Variants in RETREG2 observed in about 807,000 individuals in gnomAD.
The protein encoded by RETREG2 is reticulophagy regulator 2.
Under a neutral mutation model 51.6 loss-of-function variants are expected in RETREG2, and 21 were observed. The ratio of observed to expected loss-of-function variants is 0.41; its 90% CI spans 0.29 to 0.59. The LOEUF (loss-of-function observed/expected upper bound fraction) is 0.59, where lower values mean the gene tolerates loss of function less well. Ranked by LOEUF, RETREG2 falls within the 20% of genes least tolerant of loss-of-function variation. RETREG2 has a pLI of 0.34. For missense variants in RETREG2, 674 were observed against 646.0 expected (o/e 1.04, Z -0.47); for synonymous variants, 339 against 288.6 (o/e 1.17, Z -1.77).
chr2:219,185,248 G>A lies in RETREG2; in HGVS notation c.*2619G>A, dbSNP rs918050337. The A allele has an allele frequency of 6.6e-6, 1 of 151,978 alleles. No homozygotes were observed. Among genetic ancestry groups the A allele is most frequent in the African/African-American group, 2.4e-5 (1 of 41,352 alleles). The allele number at this position is 151,978 out of a possible 1,614,324, so 9.4% of individuals were successfully genotyped here. A position where few individuals can be genotyped will look rare whatever the true frequency, so the allele number is the denominator to read the frequency against. ...CATGCCCCACGATGAAAGGGCCAGA[G>A]GTTTTCATATGAGTAAAAGAAAAAA... On this transcript the variant is annotated 3_prime_UTR_variant, in exon 9 of 9. Transcript: ENST00000430297.
At chr2:219,179,935 TG>T in intron 3 of RETREG2, 172 bp downstream of exon 3, 2 of 1,133,194 alleles carry the variant, frequency 1.8e-6, no homozygotes, top group Non-Finnish European at 1.3e-6. Context: ...CTGCTCCTTT[TG>T]GGGCAGAGGG....
chr2:219,178,836 C>T (rs1351877976), intron 1 of RETREG2, 86 bp from the exon 2 acceptor site: 2 of 1,122,348 alleles, frequency 1.8e-6, no homozygotes, highest in Non-Finnish European at 2.6e-6. Flanking sequence ...GCCATTACCC[C>T]ATCAGTAGGC....
rs138593889 is a variant in RETREG2, at chr2:219,179,482, T to C, written c.389-251T>C. ...AGTGTTGTTTTTCTTGTTATCCATATAATTTACTTAGTAGGTGACAGGCTG... is the reference window on the plus strand; with the variant it reads ...AGTGTTGTTTTTCTTGTTATCCATACAATTTACTTAGTAGGTGACAGGCTG... On this transcript the variant is annotated intron_variant, in intron 2 of 8. Coordinates refer to ENST00000430297, the MANE Select transcript of RETREG2 (RefSeq NM_024293.6). Among the ~76,000 whole-genome samples, 1,074 of 152,330 alleles carry C rather than the reference T, an allele frequency of 7.1e-3. 4 individuals are homozygous for C. The highest frequency in any genetic ancestry group is 8.4e-3 in the Non-Finnish European group (574 of 68,020).
intron 8 of RETREG2, 60 bp downstream of exon 8, chr2:219,181,835 G>A (rs958625721): frequency 2.9e-5 from 47 of 1,595,706 alleles, no homozygotes; most frequent in Non-Finnish European, 3.9e-5. Context: ...CCTACCATGG[G>A]TACTTACTGT....
rs748188900 is a variant in RETREG2, at chr2:219,181,087, G to C, written c.666G>C (p.Leu222=). The C allele has an allele frequency of 1.2e-6, 2 of 1,614,118 alleles. No individual in the cohort carries two copies. Among genetic ancestry groups the C allele is most frequent in the Non-Finnish European group, 1.7e-6 (2 of 1,180,020 alleles). Residue 222 remains leucine (L), a synonymous_variant, in exon 6 of 9, where the codon CTG becomes CTC. Coordinates refer to ENST00000430297, the MANE Select transcript of RETREG2 (RefSeq NM_024293.6). ...IVLLSILLWP[L]VVYHELIQRM... ...TGTTGAGTATCCTGCTGTGGCCCCT[G>C]GTGGTTTATCATGAGCTGATCCAGA...
At chr2:219,180,347 G>A (rs1950260860) in intron 4 of RETREG2, 102 bp downstream of exon 4, 5 of 1,485,414 alleles carry the variant, frequency 3.4e-6, no homozygotes, top group Admixed American at 1.8e-5. Context: ...TGGAGACCCT[G>A]AAAGAAGAGG....
Position 219,182,533 on chromosome 2 carries a change from G to C in RETREG2, c.1536G>C (p.Glu512Asp). 6.2e-7 allele frequency: 1 copy of C among 1,614,160 alleles called. No homozygotes were observed. The highest frequency in any genetic ancestry group is 8.5e-7 in the Non-Finnish European group (1 of 1,180,010). Reference protein sequence around the residue: ...QLNAELGLEPETPPKPPDAPP... With the variant: ...QLNAELGLEPDTPPKPPDAPP... ...ATGCAGAGCTGGGCTTGGAGCCAGA[G>C]ACACCGCCAAAACCCCCTGATGCTC... Residue 512 changes from glutamate (E) to aspartate (D), a missense_variant, in exon 9 of 9, where the codon GAG becomes GAC. Coordinates refer to ENST00000430297, the MANE Select transcript of RETREG2 (RefSeq NM_024293.6).
chr2:219,178,485 A>G lies in RETREG2; in HGVS notation c.133A>G (p.Thr45Ala), dbSNP rs2106394317. ...CAGTGAGGCAGAGGAGGAGGCGGCC[A>G]CGGCCGAGGCGGTGGGACGCCTGGC... ...ATSEAEEEAATAEAVGRLATT... is the reference protein window; with the variant it reads ...ATSEAEEEAAAAEAVGRLATT... Residue 45 changes from threonine (T) to alanine (A), a missense_variant, in exon 1 of 9, where the codon ACG (threonine) becomes GCG (alanine). Coordinates refer to ENST00000430297, the MANE Select transcript of RETREG2 (RefSeq NM_024293.6). 7 of 1,233,778 alleles carry G rather than the reference A, an allele frequency of 5.7e-6. No homozygotes were observed. The highest frequency in any genetic ancestry group is 3.2e-5 in the African/African-American group (2 of 62,536). The allele number at this position is 1,233,778 out of a possible 1,614,324, so 76.4% of individuals were successfully genotyped here. A position where few individuals can be genotyped will look rare whatever the true frequency, so the allele number is the denominator to read the frequency against.
At position 219,179,764 on chromosome 2, in the gene RETREG2, G is replaced by A; in HGVS notation, c.419+1G>A. 1 of 1,613,984 alleles carries A rather than the reference G, an allele frequency of 6.2e-7. No individual in the cohort carries two copies. The highest frequency in any genetic ancestry group is 8.5e-7 in the Non-Finnish European group (1 of 1,179,886). On this transcript the variant is annotated splice_donor_variant, in intron 3 of 8. Coordinates refer to ENST00000430297, the MANE Select transcript of RETREG2 (RefSeq NM_024293.6). LOFTEE classifies it high-confidence loss of function. ...CCCCAGAGGAGCCACACTCTGACAG[G>A]TGAGTACAGGCCACCTCTTGAAGAC...
In RETREG2 at chr2:219,182,884, T is replaced by C; in HGVS notation, c.*255T>C. 1.9e-6 allele frequency: 1 copy of C among 524,942 alleles called. No homozygotes were observed. Among genetic ancestry groups the C allele is most frequent in the Non-Finnish European group, 3.4e-6 (1 of 291,144 alleles). The allele number at this position is 524,942 out of a possible 1,614,324, so 32.5% of individuals were successfully genotyped here. On this transcript the variant is annotated 3_prime_UTR_variant, in exon 9 of 9. Coordinates refer to ENST00000430297, the MANE Select transcript of RETREG2 (RefSeq NM_024293.6). The stretch of plus-strand genomic sequence containing the variant: ...GTGGATGTGAACAGGGCTAGGGAAG[T>C]CCTTCCCACAGCCTGCGCTTGCCTC...
Position 219,181,752 on chromosome 2 carries a change from C to G in RETREG2, c.992C>G (p.Pro331Arg). Residue 331 changes from proline (P) to arginine (R), a missense_variant, in exon 8 of 9, where the codon CCG becomes CGG. Transcript: ENST00000430297. ...TTCTCCGTATCCCGGGCCACAACTCCGCAGCTGACTGATGTCTCCGAGGGT... is the reference window on the plus strand; with the variant it reads ...TTCTCCGTATCCCGGGCCACAACTCGGCAGCTGACTGATGTCTCCGAGGGT... ...GGFSVSRATTPQLTDVSEDLD... is the reference protein window; with the variant it reads ...GGFSVSRATTRQLTDVSEDLD... The G allele has an allele frequency of 6.2e-7, 1 of 1,613,896 alleles. No individual in the cohort carries two copies. Among genetic ancestry groups the G allele is most frequent in the Non-Finnish European group, 8.5e-7 (1 of 1,179,978 alleles).
At position 219,178,300 on chromosome 2, in the gene RETREG2, C is replaced by T. The variant is rs1950216195; in HGVS notation, c.-53C>T. The T allele has an allele frequency of 1.3e-5, 5 of 374,314 alleles. No individual in the cohort carries two copies. The highest frequency in any genetic ancestry group is 2.4e-5 in the Non-Finnish European group (5 of 210,314). The allele number at this position is 374,314 out of a possible 1,614,324, so 23.2% of individuals were successfully genotyped here. The stretch of plus-strand genomic sequence containing the variant: ...CTTCCGCCTGACGCGCCCCCGGCGG[C>T]GGCCGCGCAGCCCTGGCTCCTCGCG... On this transcript the variant is annotated 5_prime_UTR_variant, in exon 1 of 9. Transcript: ENST00000430297.
intron 3 of RETREG2, 58 bp from the exon 4 acceptor site, chr2:219,180,052 T>A (rs1172136641): frequency 6.2e-7 from 1 of 1,601,594 alleles, no homozygotes; most frequent in African/African-American, 1.3e-5. Context: ...TCAGAGGGAT[T>A]TAAGTGTCTA....
At chr2:219,179,351 G>A (rs1407460213) in intron 2 of RETREG2, among the ~76,000 whole-genome samples, 1 of 152,204 alleles carries the variant, frequency 6.6e-6, no homozygotes, top group Non-Finnish European at 1.5e-5. Flanking sequence ...GTAAAACACA[G>A]ATGATAGAAC....
chr2:219,182,507 A>T lies in RETREG2; in HGVS notation c.1510A>T (p.Asn504Tyr), dbSNP rs1280627329. Reference protein sequence around the residue: ...LLDQGELEQLNAELGLEPETP... With the variant: ...LLDQGELEQLYAELGLEPETP... ...GGATCAGGGGGAGCTGGAGCAGCTG[A>T]ATGCAGAGCTGGGCTTGGAGCCAGA... The change falls in exon 9 of 9, where the codon AAT becomes TAT. Residue 504 changes from asparagine (N) to tyrosine (Y), a missense_variant. Asn to Tyr is a moderately radical substitution (Grantham distance 143). Transcript: ENST00000430297. 1 of 1,614,060 alleles carries T rather than the reference A, an allele frequency of 6.2e-7. No homozygotes were observed. The highest frequency in any genetic ancestry group is 2.2e-5 in the East Asian group (1 of 44,870).
Position 219,180,792 on chromosome 2 carries a change from T to A in RETREG2, c.640+38T>A, listed in dbSNP as rs77433693. On this transcript the variant is annotated intron_variant, in intron 5 of 8. Transcript: ENST00000430297. Reference sequence around the variant, plus strand: ...TGTCCCTGCCCTATTTAAAGCCCTCTCCTTTCTTCTTTCCTTGGACTGACC... The same window carrying A: ...TGTCCCTGCCCTATTTAAAGCCCTCACCTTTCTTCTTTCCTTGGACTGACC... The A allele has an allele frequency of 3.8e-4, 604 of 1,608,894 alleles. 3 individuals are homozygous for A. In the East Asian group the frequency reaches 5.8e-3, roughly 16 times the overall value.
At position 219,182,110 on chromosome 2, in the gene RETREG2, A is replaced by C. The variant is rs762466705; in HGVS notation, c.1113A>C (p.Leu371=). 1.1e-5 allele frequency: 17 copies of C among 1,613,986 alleles called. No individual in the cohort carries two copies. Among genetic ancestry groups the C allele is most frequent in the Non-Finnish European group, 1.4e-5 (17 of 1,180,006 alleles). The change falls in exon 9 of 9, where the codon CTA becomes CTC. Residue 371 remains leucine (L), a synonymous_variant. Coordinates refer to ENST00000430297, the MANE Select transcript of RETREG2 (RefSeq NM_024293.6). Reference sequence around the variant, plus strand: ...GAGAGCTGGCCCCTCCCGAAGACCTACTAGGCCGTCCTCAAGCTCTGTCAA... The same window carrying C: ...GAGAGCTGGCCCCTCCCGAAGACCTCCTAGGCCGTCCTCAAGCTCTGTCAA... ...EEGELAPPED[L]LGRPQALSRQ...
In RETREG2 at chr2:219,182,254, A is replaced by G. The variant is rs1398840677; in HGVS notation, c.1257A>G (p.Pro419=). The change falls in exon 9 of 9, where the codon CCA becomes CCG. Residue 419 remains proline (P), a synonymous_variant. Transcript: ENST00000430297. ...NTHFNGAGSP[P]DGVKCSPGGP... ...ACTTCAATGGGGCAGGGTCCCCCCC[A>G]GATGGAGTGAAATGCTCCCCTGGAG... The G allele has an allele frequency of 2.5e-6, 4 of 1,613,886 alleles. No individual in the cohort carries two copies. Among genetic ancestry groups the G allele is most frequent in the Non-Finnish European group, 3.4e-6 (4 of 1,179,966 alleles).
In RETREG2 at chr2:219,180,120, G is replaced by C. The variant is rs1232183405; in HGVS notation, c.430G>C (p.Gly144Arg). The C allele has an allele frequency of 1.2e-6, 2 of 1,614,046 alleles. No homozygotes were observed. The highest frequency in any genetic ancestry group is 1.7e-6 in the Non-Finnish European group (2 of 1,180,008). The change falls in exon 4 of 9, where the codon GGG (glycine) becomes CGG (arginine). Residue 144 changes from glycine to arginine, a missense_variant. By Grantham distance (125) the Gly-to-Arg change is moderately radical. Transcript: ENST00000430297. ...EEPHSDSEGA[G>R]SGARPHLLSV... Reference sequence around the variant, plus strand: ...GTCATGTCTCCCCAGTGAGGGTGCGGGGTCAGGCGCCCGGCCGCACCTGCT... The same window carrying C: ...GTCATGTCTCCCCAGTGAGGGTGCGCGGTCAGGCGCCCGGCCGCACCTGCT...
Sources: gnomAD v4.1 joint callset for allele counts (sites outside exome capture counted in the v4.1 genomes callset) on GRCh38, gnomAD v4.1.1 for gene constraint, MANE v1.5 for transcripts, NCBI Gene and HGNC (gene_info 2026-07-23, HGNC 2026-07-21) for gene names.